The following HPSE2 variants were observed in gnomAD, a reference collection of about 807,000 sequenced individuals.
HPSE2 encodes the protein heparanase 2 (inactive), also known as inactive heparanase-2.
In HPSE2, 38 loss-of-function variants were observed where a neutral mutation model predicts 60.5. That is an observed-to-expected ratio of 0.63 (90% CI 0.48 to 0.82). HPSE2 has a LOEUF of 0.82. HPSE2 is among the 40% of genes least tolerant of loss of function. The pLI, the probability that HPSE2 is intolerant of heterozygous loss-of-function variation, is 0.00. For missense variants in HPSE2, 713 were observed against 740.4 expected, an observed-to-expected ratio of 0.96 and a Z score of 0.43; for synonymous variants, 295 against 293.2, an observed-to-expected ratio of 1.01 and a Z score of -0.06.
intron 9 of HPSE2, among the ~76,000 whole-genome samples, chr10:98,569,001 C>T (rs2133892795): frequency 6.6e-6 from 1 of 151,434 alleles, no homozygotes; most frequent in South Asian, 2.1e-4. Context: ...GAATCATACA[C>T]TTTAAAAGTG....
intron 3 of HPSE2, among the ~76,000 whole-genome samples, chr10:99,067,864 T>C (rs778357857): frequency 1.4e-4 from 21 of 152,224 alleles, no homozygotes; most frequent in Non-Finnish European, 2.8e-4. Context: ...GGTTTTTCTT[T>C]TCTATTGCAT....
At chr10:98,705,417 A>G (rs1948521781) in intron 5 of HPSE2, among the ~76,000 whole-genome samples, 1 of 152,220 alleles carries the variant, frequency 6.6e-6, no homozygotes, top group Non-Finnish European at 1.5e-5. Flanking sequence ...TACGCACCCA[A>G]AGGAATATAA....
rs1337018291 is a variant in HPSE2 at position 99,013,141 on chromosome 10, G to A, written c.610+131097C>T. On this transcript the variant is annotated intron_variant, in intron 3 of 11. Transcript: ENST00000370552. ...CGTGACATTAACCATTCAAGTCCTT[G>A]GCACAATCCCTCACCAGTTAGAGAA... 34 of 673,796 alleles carry A rather than the reference G, an allele frequency of 5.0e-5. 1 individual carries two copies. In the Admixed American group the frequency reaches 6.3e-4, roughly 12 times the overall value. 41.7% of individuals were successfully genotyped at this position (673,796 alleles called of 1,614,324 possible). A position where few individuals can be genotyped will look rare whatever the true frequency, so the allele number is the denominator to read the frequency against.
intron 3 of HPSE2, among the ~76,000 whole-genome samples, chr10:99,020,335 A>G (rs957599798): frequency 2.0e-5 from 3 of 152,256 alleles, no homozygotes; most frequent in Non-Finnish European, 2.9e-5. Context: ...CAACGAATGT[A>G]TAGTTGTTAA....
chr10:99,084,367 A>G lies in HPSE2; in HGVS notation c.610+59871T>C, dbSNP rs115216527. ...AAGTGCCAGGGGGAAATTAAAATGT[A>G]AAGTGGACTTTCTTTTTTATGCAAA... is the stretch of plus-strand genomic sequence containing the variant. On this transcript the variant is annotated intron_variant, in intron 3 of 11. Coordinates refer to ENST00000370552, the MANE Select transcript of HPSE2 (RefSeq NM_021828.5). Among the ~76,000 whole-genome samples the G allele has an allele frequency of 2.4e-3, 359 of 152,306 alleles. 1 individual carries two copies. The highest frequency in any genetic ancestry group is 8.4e-3 in the African/African-American group (350 of 41,576).
At position 99,197,801 on chromosome 10, in the gene HPSE2, C is replaced by T. The variant is rs186259871; in HGVS notation, c.448+34547G>A. On this transcript the variant is annotated intron_variant, in intron 2 of 11. Coordinates refer to ENST00000370552, the MANE Select transcript of HPSE2 (RefSeq NM_021828.5). ...ATGGGCCAGGCGCAGTGGCTCACAC[C>T]GGTAATCCCATCACTTTGGGAGGCC... Among the ~76,000 whole-genome samples, 51 of 152,264 alleles carry T rather than the reference C, an allele frequency of 3.3e-4. No homozygotes were observed. The East Asian group carries it at 7.3e-3, about 22-fold the overall frequency.
At chr10:98,711,273 A>AAGG (rs1948670766) in intron 5 of HPSE2, among the ~76,000 whole-genome samples, 1 of 152,070 alleles carries the variant, frequency 6.6e-6, no homozygotes, top group Non-Finnish European at 1.5e-5. Context: ...GCCTGGTGAG[A>AAGG]AGGAGGAAAA....
At chr10:98,946,170 G>A (rs2135175053) in intron 3 of HPSE2, among the ~76,000 whole-genome samples, 1 of 152,042 alleles carries the variant, frequency 6.6e-6, no homozygotes, top group East Asian at 1.9e-4. Flanking sequence ...GTTAAAATTT[G>A]TCAAAATTTA....
intron 9 of HPSE2, among the ~76,000 whole-genome samples, chr10:98,597,502 TAA>T (rs371169905): frequency 7.9e-5 from 11 of 138,604 alleles, no homozygotes; most frequent in Non-Finnish European, 6.2e-5. Flanking sequence ...CTGTTTCTAC[TAA>T]AAAAAAAAAA....
chr10:98,599,322 A>T, intron 9 of HPSE2, among the ~76,000 whole-genome samples: 1 of 152,128 alleles, frequency 6.6e-6, no homozygotes, highest in East Asian at 1.9e-4. Context: ...CTGAAGGCTG[A>T]ATTGAACGGT....
intron 3 of HPSE2, among the ~76,000 whole-genome samples, chr10:99,008,693 T>C (rs1197983815): frequency 6.6e-6 from 1 of 152,228 alleles, no homozygotes; most frequent in African/African-American, 2.4e-5. Flanking sequence ...TTGCGTTTAA[T>C]GTGTCAATAA....
chr10:99,007,426 G>A (rs1369881190), intron 3 of HPSE2, among the ~76,000 whole-genome samples: 1 of 152,180 alleles, frequency 6.6e-6, no homozygotes, highest in East Asian at 1.9e-4. Flanking sequence ...ATGTAAAACT[G>A]TCTTTCCTAC....
intron 10 of HPSE2, among the ~76,000 whole-genome samples, chr10:98,487,171 A>ACTTGATTGTT (rs1941471734): frequency 6.6e-6 from 1 of 152,218 alleles, no homozygotes; most frequent in Admixed American, 6.5e-5. Context: ...CCTCATCAAA[A>ACTTGATTGTT]CTTGATTGTT....
the HPSE2 span, among the ~76,000 whole-genome samples, chr10:99,276,308 C>A: frequency 5.0e-4 from 76 of 152,250 alleles, no homozygotes; most frequent in Non-Finnish European, 9.4e-4. Context: ...AATAATTATT[C>A]TTTGTATCAC....
At chr10:98,806,203 C>T (rs1951037854) in intron 3 of HPSE2, among the ~76,000 whole-genome samples, 1 of 152,176 alleles carries the variant, frequency 6.6e-6, no homozygotes, top group Non-Finnish European at 1.5e-5. Flanking sequence ...GCACCTGTTA[C>T]ATTCAAATCT....
intron 11 of HPSE2, among the ~76,000 whole-genome samples, chr10:98,465,291 C>T (rs1455996087): frequency 6.6e-6 from 1 of 152,200 alleles, no homozygotes; most frequent in Non-Finnish European, 1.5e-5. Context: ...TTTATTTTGA[C>T]TATCTCATTT....
At chr10:98,747,548 CAG>C (rs1220270262) in intron 3 of HPSE2, among the ~76,000 whole-genome samples, 1 of 152,108 alleles carries the variant, frequency 6.6e-6, no homozygotes, top group Non-Finnish European at 1.5e-5. Context: ...ATGGGAGAAA[CAG>C]TATGGATAGT....
At chr10:98,658,488 T>A (rs1279980798) in intron 6 of HPSE2, among the ~76,000 whole-genome samples, 3 of 152,190 alleles carry the variant, frequency 2.0e-5, no homozygotes, top group African/African-American at 7.2e-5. Flanking sequence ...TTGGTAAATA[T>A]CTTCTCTCAG....
At chr10:98,894,584 A>T (rs1417005009) in intron 3 of HPSE2, among the ~76,000 whole-genome samples, 1 of 152,138 alleles carries the variant, frequency 6.6e-6, no homozygotes, top group African/African-American at 2.4e-5. Flanking sequence ...ACCTAAAAAC[A>T]TGCATAGAAA....
Sources: allele counts gnomAD v4.1 joint callset (sites outside exome capture counted in the v4.1 genomes callset), GRCh38; gene constraint gnomAD v4.1.1; transcripts MANE v1.5; gene names NCBI Gene and HGNC (gene_info 2026-07-23, HGNC 2026-07-21).